Variants in CPAP observed in about 807,000 individuals in gnomAD.
The protein encoded by CPAP is centrosomal P4.1-associated protein.
chr13:24,932,660 T>C, the CPAP span, among the ~76,000 whole-genome samples: 1 of 152,242 alleles, frequency 6.6e-6, no homozygotes, highest in Non-Finnish European at 1.5e-5. Context: ...TGTTTCACTA[T>C]CACATAATGT....
the CPAP span, chr13:24,892,514 TCA>T: frequency 5.5e-4 from 410 of 744,984 alleles, 3 homozygotes; most frequent in African/African-American, 6.2e-3. Context: ...CTGTCCACAT[TCA>T]CAGTCACTCC....
chr13:24,905,648 C>A, the CPAP span: 1 of 1,614,202 alleles, frequency 6.2e-7, no homozygotes, highest in Non-Finnish European at 8.5e-7. Context: ...AGTCCAAGTT[C>A]TTTCATCATC....
At chr13:24,905,437 C>T in the CPAP span, 3 of 1,614,096 alleles carry the variant, frequency 1.9e-6, no homozygotes, top group Non-Finnish European at 2.5e-6. Context: ...GAAAGAATTT[C>T]ATCATCAGCT....
chr13:24,914,259 T>C, the CPAP span, among the ~76,000 whole-genome samples: 1 of 151,958 alleles, frequency 6.6e-6, no homozygotes, highest in Non-Finnish European at 1.5e-5. Flanking sequence ...CACCCAGCCT[T>C]CCTAACCTTC....
At chr13:24,914,314 C>T in the CPAP span, among the ~76,000 whole-genome samples, 10 of 152,270 alleles carry the variant, frequency 6.6e-5, no homozygotes, top group Admixed American at 1.3e-4. Flanking sequence ...CCAGAAACCC[C>T]CAGTTCTCAA....
At chr13:24,910,029 G>A in the CPAP span, 1 of 1,613,824 alleles carries the variant, frequency 6.2e-7, no homozygotes, top group Non-Finnish European at 8.5e-7. Flanking sequence ...CTCTCCAGTG[G>A]TGGTATTTCC....
chr13:24,931,818 G>T, the CPAP span, among the ~76,000 whole-genome samples: 1 of 151,888 alleles, frequency 6.6e-6, no homozygotes, highest in Non-Finnish European at 1.5e-5. Context: ...CTTCTTTCCC[G>T]CCCTTGCGAA....
chr13:24,884,464 C>G, the CPAP span: 1 of 1,613,964 alleles, frequency 6.2e-7, no homozygotes. Context: ...CCTTTTCCAC[C>G]TAAAAAACCA....
chr13:24,885,591 A>G, the CPAP span: 1 of 1,583,904 alleles, frequency 6.3e-7, no homozygotes, highest in Non-Finnish European at 8.7e-7. Context: ...AGAATATATA[A>G]AAACAGAGAT....
At chr13:24,907,698 T>C in the CPAP span, among the ~76,000 whole-genome samples, 10 of 152,198 alleles carry the variant, frequency 6.6e-5, no homozygotes, top group Non-Finnish European at 1.2e-4. Flanking sequence ...AATTGATAAG[T>C]GACACCAAAT....
At chr13:24,909,892 T>C in the CPAP span, 1,043 of 1,614,130 alleles carry the variant, frequency 6.5e-4, 8 homozygotes, top group East Asian at 0.021. Flanking sequence ...CGTTTTGAAG[T>C]TAAGACAAAA....
the CPAP span, among the ~76,000 whole-genome samples, chr13:24,909,540 C>T: frequency 8.7e-5 from 13 of 149,906 alleles, no homozygotes; most frequent in East Asian, 1.8e-3. Flanking sequence ...AAAAAAAACA[C>T]GCCACAGGGG....
chr13:24,929,731 C>A, the CPAP span, among the ~76,000 whole-genome samples: 1 of 152,076 alleles, frequency 6.6e-6, no homozygotes, highest in Non-Finnish European at 1.5e-5. Flanking sequence ...TTATTTCTTT[C>A]TGGGACTCCC....
chr13:24,905,869 CCT>C, the CPAP span: 4 of 1,614,128 alleles, frequency 2.5e-6, no homozygotes, highest in Non-Finnish European at 3.4e-6. Context: ...TGCTGATGCC[CCT>C]CTCTCTATCC....
chr13:24,883,563 GT>G, the CPAP span, among the ~76,000 whole-genome samples: 5 of 152,070 alleles, frequency 3.3e-5, no homozygotes, highest in Admixed American at 2.0e-4. Context: ...GATTAGCATT[GT>G]TTTAATCATT....
the CPAP span, chr13:24,892,807 A>C: frequency 1.9e-6 from 3 of 1,612,818 alleles, no homozygotes; most frequent in East Asian, 6.7e-5. Flanking sequence ...TGTGTACTTG[A>C]CCATTTGGTT....
the CPAP span, among the ~76,000 whole-genome samples, chr13:24,931,302 G>GTTTTTTTTTTTTTTTTT: frequency 3.3e-4 from 3 of 9,062 alleles, no homozygotes; most frequent in Admixed American, 1.5e-3. Context: ...ATTTTTTCAT[G>GTTTTTTTTTTTTTTTTT]TTTCTTTTTT....
the CPAP span, among the ~76,000 whole-genome samples, chr13:24,897,223 CAG>C: frequency 1.3e-5 from 2 of 152,090 alleles, no homozygotes; most frequent in Non-Finnish European, 2.9e-5. Flanking sequence ...GTCTGGGCCA[CAG>C]AGTGTGTCAA....
the CPAP span, chr13:24,889,480 T>C: frequency 2.1e-6 from 2 of 951,390 alleles, no homozygotes; most frequent in South Asian, 2.8e-5. Context: ...AAAACTCAGC[T>C]AGTGCTAAGA....
Sources: allele counts gnomAD v4.1 joint callset (sites outside exome capture counted in the v4.1 genomes callset), GRCh38; gene constraint gnomAD v4.1.1; transcripts MANE v1.5; gene names NCBI Gene and HGNC (gene_info 2026-07-23, HGNC 2026-07-21).